Variants in DENND4C observed in about 807,000 individuals in gnomAD.
DENND4C encodes the protein DENN domain-containing protein 4C.
Under a neutral mutation model 203.0 loss-of-function variants are expected in DENND4C, and 108 were observed. The observed-to-expected ratio is 0.53, with a 90% confidence interval of 0.46 to 0.62. The LOEUF is 0.62. Ranked by LOEUF, DENND4C falls within the 20% of genes least tolerant of loss-of-function variation. The pLI is 0.00. For synonymous variants in DENND4C, 871 were observed against 792.4 expected (o/e 1.10, Z -1.67); for missense variants, 2,481 against 2,301.2 (o/e 1.08, Z -1.60).
At chr9:19,319,431 T>TACACACATATATATATACATATATATAC (rs1563799443) in intron 12 of DENND4C, among the ~76,000 whole-genome samples, 9 of 145,094 alleles carry the variant, frequency 6.2e-5, no homozygotes, top group South Asian at 2.1e-4. Flanking sequence ...CATATATATA[T>TACACACATATATATATACATATATATAC]ACACACATAT....
At chr9:19,305,229 G>A in intron 9 of DENND4C, 123 bp from the exon 10 acceptor site, 1 of 771,534 alleles carries the variant, frequency 1.3e-6, no homozygotes, top group Non-Finnish European at 2.0e-6. Context: ...TTGGAATGAA[G>A]TTTAAGGTAA....
chr9:19,348,208 T>C (rs958567236), intron 23 of DENND4C, among the ~76,000 whole-genome samples: 2 of 152,170 alleles, frequency 1.3e-5, no homozygotes, highest in African/African-American at 4.8e-5. Context: ...ATTTTGTAGA[T>C]GATATTTGAA....
chr9:19,361,107 A>G (rs979519955), intron 29 of DENND4C, among the ~76,000 whole-genome samples: 3 of 152,066 alleles, frequency 2.0e-5, no homozygotes, highest in Admixed American at 6.6e-5. Context: ...AAGGCAATCC[A>G]CCTGCCTCGG....
At chr9:19,312,034 C>CT (rs1840830749) in intron 10 of DENND4C, among the ~76,000 whole-genome samples, 1 of 152,144 alleles carries the variant, frequency 6.6e-6, no homozygotes, top group African/African-American at 2.4e-5. Flanking sequence ...CAGTGGAATA[C>CT]TACTGTAGCG....
At position 19,305,428 on chromosome 9, in the gene DENND4C, C is replaced by T; in HGVS notation, c.1388C>T (p.Pro463Leu). The change falls in exon 10 of 33, where the codon CCT becomes CTT. Residue 463 changes from proline to leucine, a missense_variant. Pro to Leu is a moderately conservative substitution (Grantham distance 98). This residue lies in a region of DENND4C where 2,289 missense variants were observed against 2,113.3 expected (regional missense o/e 1.08). Coordinates refer to ENST00000434457, the MANE Select transcript of DENND4C (RefSeq NM_001330640.2). ...TCACTGGCTGCAGTGCTTAGTGCAC[C>T]TTTACCATTTATAGTTGGAGTTGAC... ...PLSLAAVLSA[P>L]LPFIVGVDSR... The T allele has an allele frequency of 6.2e-7, 1 of 1,613,960 alleles. No individual in the cohort carries two copies. Among genetic ancestry groups the T allele is most frequent in the Non-Finnish European group, 8.5e-7 (1 of 1,179,942 alleles).
chr9:19,291,862 A>G (rs1281998970), intron 5 of DENND4C, among the ~76,000 whole-genome samples: 2 of 152,200 alleles, frequency 1.3e-5, no homozygotes, highest in Non-Finnish European at 2.9e-5. Context: ...TAGATATTTA[A>G]TGAGTTACTG....
At chr9:19,269,364 G>C (rs1486002001) in intron 1 of DENND4C, among the ~76,000 whole-genome samples, 1 of 152,080 alleles carries the variant, frequency 6.6e-6, no homozygotes, top group Non-Finnish European at 1.5e-5. Flanking sequence ...TCACCACGTT[G>C]GCCAGGCTGG....
chr9:19,252,824 C>T (rs1048684502), intron 1 of DENND4C, among the ~76,000 whole-genome samples: 1 of 152,118 alleles, frequency 6.6e-6, no homozygotes, highest in Non-Finnish European at 1.5e-5. Flanking sequence ...CAACCTCTGC[C>T]TCCGGGGTTC....
intron 1 of DENND4C, among the ~76,000 whole-genome samples, chr9:19,258,692 G>C (rs117516477): frequency 0.02 from 3,063 of 150,846 alleles, 44 homozygotes; most frequent in Non-Finnish European, 0.022. Context: ...TTCTTGCTCT[G>C]TTTCCAGGTT....
chr9:19,309,690 C>T (rs904409767), intron 10 of DENND4C, among the ~76,000 whole-genome samples: 1 of 151,464 alleles, frequency 6.6e-6, no homozygotes, highest in South Asian at 2.1e-4. Context: ...TTATTAAGCT[C>T]CACACAAAAT....
chr9:19,289,183 A>G (rs1163291639), intron 4 of DENND4C, among the ~76,000 whole-genome samples: 2 of 152,216 alleles, frequency 1.3e-5, no homozygotes, highest in Non-Finnish European at 2.9e-5. Flanking sequence ...AGTGTTTGAG[A>G]AATCTATCGC....
chr9:19,337,987 A>C (rs1193002068), intron 20 of DENND4C, among the ~76,000 whole-genome samples: 1 of 152,172 alleles, frequency 6.6e-6, no homozygotes, highest in Non-Finnish European at 1.5e-5. Flanking sequence ...TCAGCTGTTA[A>C]GGTGGTGTGG....
intron 20 of DENND4C, chr9:19,337,809 A>G (rs563924719): frequency 3.9e-5 from 14 of 358,950 alleles, no homozygotes; most frequent in Admixed American, 1.3e-4. Flanking sequence ...AAATGTAATC[A>G]TATATAGACT....
chr9:19,258,672 T>A (rs75077733), intron 1 of DENND4C, among the ~76,000 whole-genome samples: 2 of 145,516 alleles, frequency 1.4e-5, no homozygotes, highest in African/African-American at 2.8e-5. Context: ...TTTTTTTTTT[T>A]AAAGACAGAT....
intron 1 of DENND4C, among the ~76,000 whole-genome samples, chr9:19,273,144 G>A (rs920295823): frequency 2.0e-5 from 3 of 151,884 alleles, no homozygotes; most frequent in South Asian, 4.1e-4. Flanking sequence ...AGTAGAGACA[G>A]AGTTTCACTA....
At chr9:19,237,016 G>C (rs1410768703) in intron 1 of DENND4C, among the ~76,000 whole-genome samples, 1 of 152,036 alleles carries the variant, frequency 6.6e-6, no homozygotes, top group Non-Finnish European at 1.5e-5. Flanking sequence ...GGCAATTATA[G>C]GCGATTTGAC....
chr9:19,236,757 G>T (rs1029992375), intron 1 of DENND4C, among the ~76,000 whole-genome samples: 4 of 152,110 alleles, frequency 2.6e-5, no homozygotes, highest in African/African-American at 9.7e-5. Context: ...AGGCCATGTC[G>T]CTTTAGCCTT....
At chr9:19,281,338 A>C (rs1834001539) in intron 2 of DENND4C, among the ~76,000 whole-genome samples, 1 of 152,184 alleles carries the variant, frequency 6.6e-6, no homozygotes, top group Non-Finnish European at 1.5e-5. Flanking sequence ...TCCAGATCAA[A>C]TAATTGTTAA....
intron 30 of DENND4C, among the ~76,000 whole-genome samples, chr9:19,363,607 G>C (rs1826980423): frequency 6.6e-6 from 1 of 152,094 alleles, no homozygotes; most frequent in African/African-American, 2.4e-5. Context: ...TTGGCAATTA[G>C]GGCCTCAACA....
Sources: allele counts gnomAD v4.1 joint callset (sites outside exome capture counted in the v4.1 genomes callset), GRCh38; gene constraint gnomAD v4.1.1; regional missense constraint gnomAD v4.1.1; transcripts MANE v1.5; gene names NCBI Gene and HGNC (gene_info 2026-07-23, HGNC 2026-07-21).